The following ADGRL3 variants were observed in gnomAD, a reference collection of about 807,000 sequenced individuals.
ADGRL3 encodes the protein adhesion G protein-coupled receptor L3, also known as calcium-independent alpha-latrotoxin receptor 3.
Under a neutral mutation model 153.5 loss-of-function variants are expected in ADGRL3, and 62 were observed. That is an observed-to-expected ratio of 0.40 (90% CI 0.33 to 0.50). The LOEUF (loss-of-function observed/expected upper bound fraction) is 0.50. Ranked by LOEUF, ADGRL3 falls within the 20% of genes least tolerant of loss-of-function variation. ADGRL3 has a pLI of 0.47. For missense variants in ADGRL3, 1,641 were observed against 1,859.4 expected (o/e 0.88, Z 2.16); for synonymous variants, 710 against 672.5 (o/e 1.06, Z -0.86).
intron 5 of ADGRL3, among the ~76,000 whole-genome samples, chr4:61,664,721 A>AT (rs914020063): frequency 6.6e-6 from 1 of 152,104 alleles, no homozygotes; most frequent in African/African-American, 2.4e-5. Context: ...CTGAAAACAT[A>AT]TTTTTTATAG....
intron 1 of ADGRL3, chr4:61,212,005 A>T (rs1296808259): frequency 5.3e-5 from 8 of 152,240 alleles, no homozygotes; most frequent in East Asian, 1.9e-4. Flanking sequence ...CCGTCTAGGC[A>T]TTGAGTACAT....
chr4:61,254,024 C>T (rs974833605), intron 1 of ADGRL3, among the ~76,000 whole-genome samples: 1 of 152,116 alleles, frequency 6.6e-6, no homozygotes, highest in Non-Finnish European at 1.5e-5. Flanking sequence ...TATCAAAATA[C>T]TGTACAAGCA....
chr4:61,509,542 C>G (rs1935710871), intron 3 of ADGRL3, among the ~76,000 whole-genome samples: 1 of 152,090 alleles, frequency 6.6e-6, no homozygotes, highest in African/African-American at 2.4e-5. Flanking sequence ...ATGGCCTCCA[C>G]TGGCATCCAT....
chr4:61,715,333 T>C (rs1177883968), intron 6 of ADGRL3, among the ~76,000 whole-genome samples: 2 of 152,122 alleles, frequency 1.3e-5, no homozygotes, highest in Non-Finnish European at 2.9e-5. Flanking sequence ...GAAAACGTCA[T>C]GGTGAAGGTG....
chr4:61,362,950 A>G (rs767913137), intron 1 of ADGRL3, among the ~76,000 whole-genome samples: 2 of 152,168 alleles, frequency 1.3e-5, no homozygotes, highest in Non-Finnish European at 2.9e-5. Context: ...ATAGCCATTT[A>G]CCAATGAAAA....
At chr4:61,873,836 G>A (rs1056835927) in intron 9 of ADGRL3, among the ~76,000 whole-genome samples, 1 of 151,786 alleles carries the variant, frequency 6.6e-6, no homozygotes, top group African/African-American at 2.4e-5. Context: ...GAGTGCTACT[G>A]GCATCTAGTG....
intron 1 of ADGRL3, among the ~76,000 whole-genome samples, chr4:61,251,638 C>T (rs1759304379): frequency 6.6e-6 from 1 of 152,036 alleles, no homozygotes; most frequent in Non-Finnish European, 1.5e-5. Context: ...AAATTATTCT[C>T]AAGAAAGTAA....
intron 2 of ADGRL3, among the ~76,000 whole-genome samples, chr4:61,434,019 T>C (rs928135785): frequency 2.0e-5 from 3 of 152,170 alleles, no homozygotes; most frequent in African/African-American, 7.2e-5. Context: ...TTTGATTATA[T>C]CTCTGCCATC....
chr4:61,465,240 A>G (rs1317715589), intron 2 of ADGRL3, among the ~76,000 whole-genome samples: 2 of 152,200 alleles, frequency 1.3e-5, no homozygotes, highest in Non-Finnish European at 2.9e-5. Context: ...ATACAAATAC[A>G]AGAATATGCC....
intron 11 of ADGRL3, among the ~76,000 whole-genome samples, chr4:61,900,928 T>C (rs1479209777): frequency 6.6e-6 from 1 of 152,192 alleles, no homozygotes; most frequent in Non-Finnish European, 1.5e-5. Context: ...CTCACCTATC[T>C]TAATGACTGC....
At chr4:61,640,789 G>A (rs2093630733) in intron 5 of ADGRL3, among the ~76,000 whole-genome samples, 2 of 152,122 alleles carry the variant, frequency 1.3e-5, no homozygotes, top group Admixed American at 1.3e-4. Flanking sequence ...ATTCTTGAGT[G>A]CTGCTTGGAT....
intron 1 of ADGRL3, among the ~76,000 whole-genome samples, chr4:61,243,630 G>T (rs572897943): frequency 2.6e-5 from 4 of 151,890 alleles, no homozygotes; most frequent in South Asian, 4.2e-4. Flanking sequence ...AGGCCTTTTT[G>T]GTTCTAATGT....
Position 61,912,652 on chromosome 4 carries a change from T to A in ADGRL3, c.2074-67T>A, listed in dbSNP as rs56953983. 3,161 of 1,381,230 alleles carry A rather than the reference T, an allele frequency of 2.3e-3. 64 individuals carry two copies. In the African/African-American group the frequency reaches 0.041, roughly 18 times the overall value. 85.6% of individuals were successfully genotyped at this position (1,381,230 alleles called of 1,614,324 possible). A position where few individuals can be genotyped will look rare whatever the true frequency, so the allele number is the denominator to read the frequency against. ...GTGTAGATGTGTTCTTTTATTTTTC[T>A]TGTTTTCTTCTGTCACTAACTTGTT... is the stretch of plus-strand genomic sequence containing the variant. On this transcript the variant is annotated intron_variant, in intron 12 of 26. Coordinates refer to ENST00000683033, the MANE Select transcript of ADGRL3 (RefSeq NM_001387552.1).
intron 2 of ADGRL3, among the ~76,000 whole-genome samples, chr4:61,474,356 G>T (rs1382292471): frequency 6.6e-6 from 1 of 152,076 alleles, no homozygotes; most frequent in Admixed American, 6.6e-5. Flanking sequence ...CTGCCGGAGG[G>T]TTTGTTTTGC....
intron 1 of ADGRL3, among the ~76,000 whole-genome samples, chr4:61,230,742 A>C (rs1253714871): frequency 6.6e-6 from 1 of 152,190 alleles, no homozygotes; most frequent in East Asian, 1.9e-4. Context: ...CCTATCATGT[A>C]TGAGTTTTAT....
intron 11 of ADGRL3, among the ~76,000 whole-genome samples, chr4:61,898,296 T>C (rs1660980360): frequency 6.6e-6 from 1 of 152,140 alleles, no homozygotes; most frequent in South Asian, 2.1e-4. Context: ...CTTTTTCCCA[T>C]TGAATCAGCA....
At chr4:62,049,941 C>T (rs962112996) in intron 25 of ADGRL3, among the ~76,000 whole-genome samples, 3 of 152,000 alleles carry the variant, frequency 2.0e-5, no homozygotes, top group East Asian at 1.9e-4. Context: ...GGGCCTGGAA[C>T]GTAATTATTA....
intron 2 of ADGRL3, among the ~76,000 whole-genome samples, chr4:61,491,772 G>C (rs749425466): frequency 4.6e-5 from 7 of 151,830 alleles, no homozygotes; most frequent in Non-Finnish European, 7.4e-5. Flanking sequence ...ATTTTATCAA[G>C]GTGCCAAATT....
chr4:61,745,058 T>C (rs142556805), intron 8 of ADGRL3, among the ~76,000 whole-genome samples: 13,197 of 152,012 alleles, frequency 0.087, 1,215 homozygotes, highest in African/African-American at 0.23. Flanking sequence ...TCGAGAACTA[T>C]GTGAAGAATG....
Sources: gnomAD v4.1 joint callset for allele counts (sites outside exome capture counted in the v4.1 genomes callset) on GRCh38, gnomAD v4.1.1 for gene constraint, MANE v1.5 for transcripts, NCBI Gene and HGNC (gene_info 2026-07-23, HGNC 2026-07-21) for gene names.